Variants in UNG observed in about 807,000 individuals in gnomAD.
The protein encoded by UNG is uracil DNA glycosylase, also known as uracil-DNA glycosylase.
In UNG, 34 loss-of-function variants were observed where a neutral mutation model predicts 36.5. That is an observed-to-expected ratio of 0.93 (90% CI 0.71 to 1.24). UNG has a LOEUF of 1.24. UNG is among the 50% of genes most tolerant of loss of function. The probability of loss-of-function intolerance (pLI) is 0.00; values close to 1 mark genes in which losing one functional copy is unlikely to be tolerated. For missense variants in UNG, 391 were observed against 397.6 expected, an observed-to-expected ratio of 0.98 and a Z score of 0.14; for synonymous variants, 172 against 157.8, an observed-to-expected ratio of 1.09 and a Z score of -0.67.
chr12:109,098,774 G>T (rs576701235), intron 2 of UNG, 136 bp downstream of exon 2: 12 of 1,173,924 alleles, frequency 1.0e-5, no homozygotes, highest in Middle Eastern at 2.7e-4. Flanking sequence ...ACTCACAAAG[G>T]GGGTAAAAGA....
intron 3 of UNG, among the ~76,000 whole-genome samples, chr12:109,101,668 C>G (rs1157108819): frequency 1.3e-5 from 2 of 152,146 alleles, no homozygotes; most frequent in African/African-American, 4.8e-5. Flanking sequence ...TGTGATGGCA[C>G]CACTGCACAT....
At chr12:109,103,088 A>C (rs780902698) in intron 5 of UNG, among the ~76,000 whole-genome samples, 161 bp downstream of exon 5, 5 of 151,182 alleles carry the variant, frequency 3.3e-5, no homozygotes, top group Non-Finnish European at 4.4e-5. Context: ...AGTAGCTGGG[A>C]CCACAGGCAT....
chr12:109,108,523 T>C (rs1407789946), intron 6 of UNG, among the ~76,000 whole-genome samples: 1 of 152,038 alleles, frequency 6.6e-6, no homozygotes, highest in African/African-American at 2.4e-5. Context: ...TCCCAGGTAC[T>C]CAGGAGGCTG....
At chr12:109,100,032 A>C (rs1204627548) in intron 3 of UNG, among the ~76,000 whole-genome samples, 1 of 152,134 alleles carries the variant, frequency 6.6e-6, no homozygotes, top group South Asian at 2.1e-4. Flanking sequence ...ACTTCACTCC[A>C]GCGTGGGCGA....
chr12:109,110,359 G>T lies in UNG; in HGVS notation c.*390G>T. On this transcript the variant is annotated 3_prime_UTR_variant, in exon 7 of 7. Transcript: ENST00000242576. ...GGTTAGACTTTCAGTGACAGATGTT[G>T]GGGTGTTTTTGCTTAGAAAGGTCCC... 3.8e-6 allele frequency: 1 copy of T among 265,454 alleles called. No individual in the cohort carries two copies. Among genetic ancestry groups the T allele is most frequent in the Middle Eastern group, 1.4e-3 (1 of 696 alleles). 16.4% of individuals were successfully genotyped at this position (265,454 alleles called of 1,614,324 possible).
chr12:109,105,744 C>T (rs2042210854), intron 6 of UNG, among the ~76,000 whole-genome samples: 1 of 152,176 alleles, frequency 6.6e-6, no homozygotes, highest in Non-Finnish European at 1.5e-5. Context: ...CCTTCCCAGT[C>T]AGTCAGTCAT....
In UNG at chr12:109,097,718, C is replaced by G. The variant is rs748872362; in HGVS notation, c.39C>G (p.Pro13=). Residue 13 remains proline (P), a synonymous_variant, in exon 1 of 7, where the codon CCC becomes CCG. Coordinates refer to ENST00000242576, the MANE Select transcript of UNG (RefSeq NM_080911.3). ...AGACGCTCTACTCCTTTTTCTCCCCCAGCCCCGCCAGGAAGCGACACGCCC... is the reference window on the plus strand; with the variant it reads ...AGACGCTCTACTCCTTTTTCTCCCCGAGCCCCGCCAGGAAGCGACACGCCC... The part of the protein sequence containing the change: ...GQKTLYSFFS[P]SPARKRHAPS... 4 of 1,593,582 alleles carry G rather than the reference C, an allele frequency of 2.5e-6. No homozygotes were observed. Among genetic ancestry groups the G allele is most frequent in the South Asian group, 2.3e-5 (2 of 88,658 alleles).
At position 109,098,754 on chromosome 12, in the gene UNG, A is replaced by C. The variant is rs3219211; in HGVS notation, c.339+116A>C. ...CGTAGGCTTAGGTTGTACCCCCTTC[A>C]ACCTCCTTTACTCACAAAGGGGGTA... On this transcript the variant is annotated intron_variant, in intron 2 of 6. Coordinates refer to ENST00000242576, the MANE Select transcript of UNG (RefSeq NM_080911.3). 0.19 allele frequency: 259,092 copies of C among 1,352,088 alleles called. 25,533 individuals carry two copies. The highest frequency in any genetic ancestry group is 0.31 in the East Asian group (12,738 of 40,994). 83.8% of individuals were successfully genotyped at this position (1,352,088 alleles called of 1,614,324 possible). A position where few individuals can be genotyped will look rare whatever the true frequency, so the allele number is the denominator to read the frequency against.
rs1343221742 is a variant in UNG at position 109,102,392 on chromosome 12, C to T, written c.533+393C>T. Among the ~76,000 whole-genome samples, 4 of 151,816 alleles carry T rather than the reference C, an allele frequency of 2.6e-5. No individual in the cohort carries two copies. In the South Asian group the frequency reaches 6.2e-4, roughly 24 times the overall value. ...CTTTGGGAGGCTGAGGCAGGAGAAT[C>T]GCTGGATCCCGGGAGGCGGAGGTGG... On this transcript the variant is annotated intron_variant, in intron 4 of 6. Transcript: ENST00000242576.
intron 3 of UNG, among the ~76,000 whole-genome samples, chr12:109,101,213 C>G (rs1260739081): frequency 6.7e-6 from 1 of 149,746 alleles, no homozygotes; most frequent in African/African-American, 2.5e-5. Flanking sequence ...CTGCCTCAGC[C>G]TCCCGAGTAG....
chr12:109,108,295 A>G (rs923309823), intron 6 of UNG, among the ~76,000 whole-genome samples: 1 of 152,146 alleles, frequency 6.6e-6, no homozygotes, highest in Non-Finnish European at 1.5e-5. Flanking sequence ...GTGTATAACC[A>G]TACTTTGAGC....
intron 1 of UNG, 83 bp from the exon 2 acceptor site, chr12:109,098,349 C>T (rs921244212): frequency 6.2e-7 from 1 of 1,603,802 alleles, no homozygotes. Flanking sequence ...TGCCTTGGGC[C>T]GTGGGGGTTG....
chr12:109,102,791 A>G (rs752062644), intron 4 of UNG, 48 bp from the exon 5 acceptor site: 2 of 1,499,662 alleles, frequency 1.3e-6, no homozygotes, highest in Non-Finnish European at 1.9e-6. Flanking sequence ...AGCTTTCAAA[A>G]TTATGCTTAA....
Position 109,109,982 on chromosome 12 carries a change from G to T in UNG, c.*13G>T, listed in dbSNP as rs2042249095. 1.2e-5 allele frequency: 19 copies of T among 1,613,970 alleles called. No individual in the cohort carries two copies. The highest frequency in any genetic ancestry group is 1.5e-5 in the Non-Finnish European group (18 of 1,180,034). On this transcript the variant is annotated 3_prime_UTR_variant, in exon 7 of 7. Coordinates refer to ENST00000242576, the MANE Select transcript of UNG (RefSeq NM_080911.3). ...GAAGGAGCTGTGATCATCAGCTGAG[G>T]GGTGGCCTTTGAGAAGCTGCTGTTA... is the stretch of plus-strand genomic sequence containing the variant.
At chr12:109,098,350 G>T (rs1273685407) in intron 1 of UNG, 82 bp from the exon 2 acceptor site, 3 of 1,603,308 alleles carry the variant, frequency 1.9e-6, no homozygotes, top group Admixed American at 1.7e-5. Context: ...GCCTTGGGCC[G>T]TGGGGGTTGG....
chr12:109,100,564 T>C (rs1566120710), intron 3 of UNG, among the ~76,000 whole-genome samples: 1 of 152,228 alleles, frequency 6.6e-6, no homozygotes, highest in Non-Finnish European at 1.5e-5. Context: ...CCTATTAAGA[T>C]CAATACTAAT....
intron 6 of UNG, among the ~76,000 whole-genome samples, chr12:109,106,432 A>C (rs944930616): frequency 1.3e-5 from 2 of 152,118 alleles, no homozygotes; most frequent in African/African-American, 2.4e-5. Context: ...TGTTTTGAGA[A>C]ACAGTGATTT....
intron 6 of UNG, among the ~76,000 whole-genome samples, chr12:109,108,496 G>C (rs1186082963): frequency 6.6e-6 from 1 of 152,140 alleles, no homozygotes; most frequent in African/African-American, 2.4e-5. Flanking sequence ...GCCTGGTGTA[G>C]TGGCACGCAC....
intron 6 of UNG, among the ~76,000 whole-genome samples, chr12:109,105,647 G>C (rs906681995): frequency 6.6e-6 from 1 of 152,154 alleles, no homozygotes; most frequent in South Asian, 2.1e-4. Context: ...GCAGCAAAAA[G>C]CACCATCATC....
Sources: gnomAD v4.1 joint callset for allele counts (sites outside exome capture counted in the v4.1 genomes callset) on GRCh38, gnomAD v4.1.1 for gene constraint, MANE v1.5 for transcripts, NCBI Gene and HGNC (gene_info 2026-07-23, HGNC 2026-07-21) for gene names.